The following ALMS1 variants were observed in gnomAD, a reference collection of about 807,000 sequenced individuals.
ALMS1 encodes ALMS1 centrosome and basal body associated protein.
In ALMS1, 271 loss-of-function variants were observed where a neutral mutation model predicts 352.2. The ratio of observed to expected loss-of-function variants is 0.77; its 90% CI spans 0.70 to 0.85. The LOEUF is 0.85. Ranked by LOEUF, ALMS1 falls within the 40% of genes least tolerant of loss-of-function variation. The probability of loss-of-function intolerance (pLI) is 0.00; values close to 1 mark genes in which losing one functional copy is unlikely to be tolerated. For synonymous variants in ALMS1, 1,865 were observed against 1,761.2 expected, an observed-to-expected ratio of 1.06 and a Z score of -1.48; for missense variants, 5,445 against 4,870.7, an observed-to-expected ratio of 1.12 and a Z score of -3.51.
chr2:73,426,005 G>C (rs1184176924), intron 5 of ALMS1, among the ~76,000 whole-genome samples: 1 of 152,194 alleles, frequency 6.6e-6, no homozygotes, highest in East Asian at 1.9e-4. Flanking sequence ...TTATTTCAGT[G>C]TGATATAGGC....
At chr2:73,491,680 C>G (rs1244167640) in intron 10 of ALMS1, among the ~76,000 whole-genome samples, 182 bp downstream of exon 10, 1 of 152,048 alleles carries the variant, frequency 6.6e-6, no homozygotes, top group East Asian at 2.0e-4. Context: ...GAACATGTGA[C>G]AGTAATGCAT....
chr2:73,490,606 GAAC>G lies in ALMS1; in HGVS notation c.8651_8653del (p.Gln2884del), dbSNP rs777935409. ...AGATCTTCCTTCTTGCATTTTTCTT[GAAC>G]AACGAGAGCTCTTTGAACAAAGCAA... On this transcript the variant is annotated inframe_deletion, in exon 10 of 23. Transcript: ENST00000613296. 3.1e-6 allele frequency: 5 copies of G among 1,614,104 alleles called. No individual in the cohort carries two copies. The East Asian group carries it at 8.9e-5, about 29-fold the overall frequency.
At chr2:73,408,205 T>C (rs1340205952) in intron 1 of ALMS1, among the ~76,000 whole-genome samples, 1 of 152,218 alleles carries the variant, frequency 6.6e-6, no homozygotes, top group African/African-American at 2.4e-5. Flanking sequence ...CAACGTTTAT[T>C]GCCTTCTTTC....
At chr2:73,604,231 C>T (rs4852936) in intron 21 of ALMS1, among the ~76,000 whole-genome samples, 131,587 of 152,178 alleles carry the variant, frequency 0.86, 56,984 homozygotes, top group Admixed American at 0.92. Context: ...ATTAGCTACT[C>T]GTTAATTAAT....
intron 12 of ALMS1, among the ~76,000 whole-genome samples, chr2:73,541,838 T>C (rs1397521519): frequency 6.6e-6 from 1 of 152,224 alleles, no homozygotes; most frequent in African/African-American, 2.4e-5. Flanking sequence ...AATCTCTGAA[T>C]AGACCAGTAA....
At chr2:73,543,259 A>G in intron 12 of ALMS1, among the ~76,000 whole-genome samples, 1 of 152,230 alleles carries the variant, frequency 6.6e-6, no homozygotes, top group East Asian at 1.9e-4. Flanking sequence ...AAAACAAGCA[A>G]TGGGGAAAGG....
chr2:73,529,588 G>A (rs1673865474), intron 11 of ALMS1, among the ~76,000 whole-genome samples: 1 of 152,112 alleles, frequency 6.6e-6, no homozygotes, highest in Non-Finnish European at 1.5e-5. Context: ...AGGGAGTTGG[G>A]TGTTATGATC....
Position 73,449,956 on chromosome 2 carries a change from C to T in ALMS1, c.3429C>T (p.Ser1143=), listed in dbSNP as rs2103778935. 1.2e-6 allele frequency: 2 copies of T among 1,613,688 alleles called. No individual in the cohort carries two copies. Among genetic ancestry groups the T allele is most frequent in the South Asian group, 1.1e-5 (1 of 91,054 alleles). The change falls in exon 8 of 23, where the codon TCC becomes TCT. Residue 1143 remains serine, a synonymous_variant. Transcript: ENST00000613296. ...GCACACCAACTGTAACCTCAACTTC[C>T]TACTCACAACATAGAGAAAAGCCCA... ...KTGTPTVTST[S]YSQHREKPSI...
At chr2:73,440,542 GC>G (rs1235802458) in intron 7 of ALMS1, among the ~76,000 whole-genome samples, 1 of 151,754 alleles carries the variant, frequency 6.6e-6, no homozygotes, top group Admixed American at 6.6e-5. Flanking sequence ...TCGTGTCTCA[GC>G]CTCCTGAGTA....
At chr2:73,555,785 G>T (rs879460800) in intron 13 of ALMS1, among the ~76,000 whole-genome samples, 3 of 152,178 alleles carry the variant, frequency 2.0e-5, no homozygotes, top group Admixed American at 1.3e-4. Flanking sequence ...AGGTGTATTC[G>T]TATATATTAA....
chr2:73,490,043 A>AT lies in ALMS1; in HGVS notation c.8088dup (p.His2697SerfsTer28). The AT allele has an allele frequency of 6.2e-7, 1 of 1,614,178 alleles. No individual in the cohort carries two copies. Among genetic ancestry groups the AT allele is most frequent in the Non-Finnish European group, 8.5e-7 (1 of 1,180,034 alleles). ...GCTTTTGTGCCACCTAAAGAAGTGG[A>AT]TTTTCATTCTTCATCACAAATGCCG... On this transcript the variant is annotated frameshift_variant, in exon 10 of 23. Transcript: ENST00000613296. LOFTEE classifies it high-confidence loss of function.
intron 12 of ALMS1, among the ~76,000 whole-genome samples, 170 bp from the exon 13 acceptor site, chr2:73,550,097 C>T (rs1558690601): frequency 6.6e-6 from 1 of 152,158 alleles, no homozygotes; most frequent in Non-Finnish European, 1.5e-5. Flanking sequence ...TGACCTCAGG[C>T]AATCCGCCTG....
chr2:73,404,560 A>G (rs1166256939), intron 1 of ALMS1, among the ~76,000 whole-genome samples: 3 of 151,542 alleles, frequency 2.0e-5, no homozygotes, highest in South Asian at 2.1e-4. Flanking sequence ...TTGTCCTTCC[A>G]TTAATGTGGT....
chr2:73,600,970 A>G (rs1250874634), intron 18 of ALMS1, 89 bp downstream of exon 18: 6 of 1,475,366 alleles, frequency 4.1e-6, no homozygotes, highest in Non-Finnish European at 4.6e-6. Context: ...AAGTGACTCT[A>G]TGTGGTCCCC....
intron 7 of ALMS1, among the ~76,000 whole-genome samples, chr2:73,438,483 G>A (rs1387538541): frequency 1.3e-5 from 2 of 152,220 alleles, no homozygotes; most frequent in African/African-American, 4.8e-5. Flanking sequence ...CCATTAGAAA[G>A]TAGGGTAGTG....
At chr2:73,444,681 C>T (rs1051087806) in intron 7 of ALMS1, among the ~76,000 whole-genome samples, 1 of 152,132 alleles carries the variant, frequency 6.6e-6, no homozygotes, top group African/African-American at 2.4e-5. Context: ...AAATGGCATA[C>T]ATTTATCAAC....
In ALMS1 at chr2:73,489,835, C is replaced by G. The variant is rs1672937598; in HGVS notation, c.7876C>G (p.His2626Asp). The G allele has an allele frequency of 6.2e-7, 1 of 1,614,220 alleles. No homozygotes were observed. The highest frequency in any genetic ancestry group is 1.1e-5 in the South Asian group (1 of 91,086). ...RQNPSSCRAKHVNLSASLDQN... is the reference protein window; with the variant it reads ...RQNPSSCRAKDVNLSASLDQN... ...GAACCCATCATCATGCAGAGCCAAG[C>G]ATGTCAACCTTTCTGCATCCTTAGA... is the stretch of plus-strand genomic sequence containing the variant. The change falls in exon 10 of 23, where the codon CAT (histidine) becomes GAT (aspartate). Residue 2626 changes from histidine to aspartate, a missense_variant. Coordinates refer to ENST00000613296, the MANE Select transcript of ALMS1 (RefSeq NM_001378454.1).
At chr2:73,596,614 G>A (rs1351323520) in intron 16 of ALMS1, among the ~76,000 whole-genome samples, 1 of 151,972 alleles carries the variant, frequency 6.6e-6, no homozygotes, top group Non-Finnish European at 1.5e-5. Flanking sequence ...TGGAACTACA[G>A]GTGCGTGCCA....
At chr2:73,437,157 C>G (rs1162582403) in intron 7 of ALMS1, among the ~76,000 whole-genome samples, 1 of 152,136 alleles carries the variant, frequency 6.6e-6, no homozygotes, top group Admixed American at 6.6e-5. Context: ...CTGTTTCAAA[C>G]AAAGTCATTC....
Sources: allele counts gnomAD v4.1 joint callset (sites outside exome capture counted in the v4.1 genomes callset), GRCh38; gene constraint gnomAD v4.1.1; transcripts MANE v1.5; gene names NCBI Gene and HGNC (gene_info 2026-07-23, HGNC 2026-07-21).